Variants in CLCA1 observed in about 807,000 individuals in gnomAD.
The protein encoded by CLCA1 is calcium-activated chloride channel regulator 1.
Under a neutral mutation model 85.6 loss-of-function variants are expected in CLCA1, and 59 were observed. The observed-to-expected ratio is 0.69, with a 90% CI of 0.56 to 0.86. CLCA1 has a LOEUF of 0.86. CLCA1 is among the 40% of genes least tolerant of loss of function. The pLI is 0.00. For missense variants in CLCA1, 1,022 were observed against 1,101.4 expected (o/e 0.93, Z 1.02); for synonymous variants, 396 against 398.3 (o/e 0.99, Z 0.07).
intron 4 of CLCA1, among the ~76,000 whole-genome samples, chr1:86,480,403 T>C (rs1647786425): frequency 1.3e-5 from 2 of 151,968 alleles, no homozygotes; most frequent in South Asian, 4.2e-4. Context: ...AAGAAGAAAT[T>C]AAAATGCCCA....
chr1:86,482,214 A>T lies in CLCA1; in HGVS notation c.567A>T (p.Ala189=), dbSNP rs777756923. 12 of 1,612,952 alleles carry T rather than the reference A, an allele frequency of 7.4e-6. No homozygotes were observed. Among genetic ancestry groups the T allele is most frequent in the Non-Finnish European group, 1.0e-5 (12 of 1,179,210 alleles). The part of the protein sequence containing the change: ...NGRIQAVRCS[A]GITGTNVVKK... ...CTTCCTATATTTTCAGATGTTCAGCAGGTATTACTGGTACAAATGTAGTAA... is the reference window on the plus strand; with the variant it reads ...CTTCCTATATTTTCAGATGTTCAGCTGGTATTACTGGTACAAATGTAGTAA... Residue 189 remains alanine, a synonymous_variant, in exon 5 of 14, where the codon GCA becomes GCT. Transcript: ENST00000394711.
At chr1:86,483,440 T>C (rs1426769815) in intron 5 of CLCA1, among the ~76,000 whole-genome samples, 1 of 152,140 alleles carries the variant, frequency 6.6e-6, no homozygotes, top group Non-Finnish European at 1.5e-5. Flanking sequence ...GCATCCCAGA[T>C]ATTAGGATTT....
At chr1:86,479,664 T>C in intron 4 of CLCA1, among the ~76,000 whole-genome samples, 1 of 152,142 alleles carries the variant, frequency 6.6e-6, no homozygotes, top group African/African-American at 2.4e-5. Context: ...GGCAGGCAGA[T>C]CACAAGGTCA....
Position 86,473,885 on chromosome 1 carries a change from T to TATTC in CLCA1, c.451+10_451+13dup, listed in dbSNP as rs756457908. 6.3e-7 allele frequency: 1 copy of TATTC among 1,585,764 alleles called. No homozygotes were observed. Among genetic ancestry groups the TATTC allele is most frequent in the Non-Finnish European group, 8.6e-7 (1 of 1,164,238 alleles). On this transcript the variant is annotated intron_variant, in intron 3 of 13. Coordinates refer to ENST00000394711, the MANE Select transcript of CLCA1 (RefSeq NM_001285.4). ...TGAATATGGACCACAAGGTATGAAA[T>TATTC]ATTCTACCATACTTCTCATACAATT...
chr1:86,492,553 G>T (rs1394259275), intron 9 of CLCA1, among the ~76,000 whole-genome samples: 1 of 152,172 alleles, frequency 6.6e-6, no homozygotes, highest in African/African-American at 2.4e-5. Flanking sequence ...GTGAAACTAG[G>T]AAATCTGGCT....
intron 3 of CLCA1, among the ~76,000 whole-genome samples, chr1:86,474,683 G>A (rs2101729101): frequency 6.6e-6 from 1 of 152,210 alleles, no homozygotes; most frequent in African/African-American, 2.4e-5. Flanking sequence ...GTAGCAGACA[G>A]AATACCTTTG....
At chr1:86,475,541 G>C (rs1460038541) in intron 3 of CLCA1, among the ~76,000 whole-genome samples, 1 of 152,192 alleles carries the variant, frequency 6.6e-6, no homozygotes, top group Non-Finnish European at 1.5e-5. Context: ...AGCAATGACT[G>C]TTTATCATTG....
chr1:86,485,447 G>T lies in CLCA1; in HGVS notation c.840G>T (p.Glu280Asp). ...CATGGGAAGTGATCCGTGATTCTGAGGACTTTAAGAAAACCACTCCTATGA... is the reference window on the plus strand; with the variant it reads ...CATGGGAAGTGATCCGTGATTCTGATGACTTTAAGAAAACCACTCCTATGA... The part of the protein sequence containing the change: ...RSTWEVIRDS[E>D]DFKKTTPMTT... Residue 280 changes from glutamate (E) to aspartate (D), a missense_variant, in exon 6 of 14, where the codon GAG (glutamate) becomes GAT (aspartate). Coordinates refer to ENST00000394711, the MANE Select transcript of CLCA1 (RefSeq NM_001285.4). 6.2e-7 allele frequency: 1 copy of T among 1,614,138 alleles called. No homozygotes were observed. The highest frequency in any genetic ancestry group is 8.5e-7 in the Non-Finnish European group (1 of 1,180,016).
chr1:86,470,818 T>C (rs1169931652), intron 1 of CLCA1, among the ~76,000 whole-genome samples: 1 of 152,182 alleles, frequency 6.6e-6, no homozygotes, highest in African/African-American at 2.4e-5. Context: ...TTCCTCCCTC[T>C]ACTCCAACAA....
chr1:86,492,427 C>A (rs1648159953), intron 9 of CLCA1, among the ~76,000 whole-genome samples: 1 of 124,802 alleles, frequency 8.0e-6, no homozygotes, highest in South Asian at 2.5e-4. Flanking sequence ...ATTTAAGAAA[C>A]CTAACAGAGA....
rs1366233696 is a variant in CLCA1 at position 86,494,323 on chromosome 1, G to A, written c.1817G>A (p.Ser606Asn). The change falls in exon 11 of 14, where the codon AGC becomes AAC. Residue 606 changes from serine (S) to asparagine (N), a missense_variant. Ser to Asn is a conservative substitution (Grantham distance 46). Transcript: ENST00000394711. ...AACAAGGACACCAGCAAATTCCCCA[G>A]CCCTCTGGTAGTTTATGCAAATATT... is the stretch of plus-strand genomic sequence containing the variant. Reference protein sequence around the residue: ...KTNKDTSKFPSPLVVYANIRQ... With the variant: ...KTNKDTSKFPNPLVVYANIRQ... 1 of 1,614,122 alleles carries A rather than the reference G, an allele frequency of 6.2e-7. No individual in the cohort carries two copies. Among genetic ancestry groups the A allele is most frequent in the African/African-American group, 1.3e-5 (1 of 75,042 alleles).
At chr1:86,481,795 C>A (rs758086254) in intron 4 of CLCA1, among the ~76,000 whole-genome samples, 2 of 152,094 alleles carry the variant, frequency 1.3e-5, no homozygotes, top group Non-Finnish European at 2.9e-5. Context: ...CAGAACTCTA[C>A]AAAAACCATG....
At chr1:86,479,428 A>G (rs1468331649) in intron 4 of CLCA1, among the ~76,000 whole-genome samples, 1 of 152,212 alleles carries the variant, frequency 6.6e-6, no homozygotes, top group Admixed American at 6.5e-5. Flanking sequence ...ATTCATATAT[A>G]GGGTTTATGA....
At chr1:86,483,039 T>A (rs1004551414) in intron 5 of CLCA1, among the ~76,000 whole-genome samples, 2 of 152,202 alleles carry the variant, frequency 1.3e-5, no homozygotes, top group South Asian at 2.1e-4. Flanking sequence ...TCCAGTCTCA[T>A]ATAAAATTAC....
chr1:86,471,647 T>A lies in CLCA1; in HGVS notation c.163-1770T>A, dbSNP rs140053814. On this transcript the variant is annotated intron_variant, in intron 1 of 13. Transcript: ENST00000394711. ...CTACTTTTCAAGTTTTTGGTGATCT[T>A]GGCTCATTTTTTAATTTTATTTTTT... Among the ~76,000 whole-genome samples the A allele has an allele frequency of 4.6e-5, 7 of 152,304 alleles. No homozygotes were observed. In the East Asian group the frequency reaches 1.3e-3, roughly 29 times the overall value.
chr1:86,494,526 G>A (rs910376173), intron 11 of CLCA1, 78 bp downstream of exon 11: 5 of 1,514,568 alleles, frequency 3.3e-6, no homozygotes, highest in Non-Finnish European at 4.5e-6. Flanking sequence ...GGCATGGTCT[G>A]GTGAGGGCAG....
In CLCA1 at chr1:86,495,588, C is replaced by A; in HGVS notation, c.2026C>A (p.Arg676=). The change falls in exon 12 of 14, where the codon CGG becomes AGG. Residue 676 remains arginine, a synonymous_variant. Coordinates refer to ENST00000394711, the MANE Select transcript of CLCA1 (RefSeq NM_001285.4). The stretch of plus-strand genomic sequence containing the variant: ...GAATGGTAGATACAGTGTAAAAGTG[C>A]GGGCTCTGGGAGGAGTTAACGCAGC... The part of the protein sequence containing the change: ...DTNGRYSVKV[R]ALGGVNAARR... The A allele has an allele frequency of 6.2e-7, 1 of 1,613,982 alleles. No homozygotes were observed. The highest frequency in any genetic ancestry group is 8.5e-7 in the Non-Finnish European group (1 of 1,179,910).
intron 12 of CLCA1, 37 bp from the exon 13 acceptor site, chr1:86,498,535 T>C (rs1354992265): frequency 1.9e-6 from 3 of 1,599,358 alleles, no homozygotes; most frequent in Non-Finnish European, 2.6e-6. Flanking sequence ...CATTTAGTGA[T>C]GTTGCTTACC....
chr1:86,496,740 CA>C lies in CLCA1; in HGVS notation c.2113+1066del, dbSNP rs140811749. Among the ~76,000 whole-genome samples, 1,296 of 152,090 alleles carry C rather than the reference CA, an allele frequency of 8.5e-3. 9 individuals are homozygous for C. The highest frequency in any genetic ancestry group is 0.013 in the Non-Finnish European group (903 of 67,946). On this transcript the variant is annotated intron_variant, in intron 12 of 13. Coordinates refer to ENST00000394711, the MANE Select transcript of CLCA1 (RefSeq NM_001285.4). ...GGAAATGTTTTAAAAGATACCACTG[CA>C]TTTTTTTTTTAGACAGTCTTGCTCT...
Sources: allele counts gnomAD v4.1 joint callset (sites outside exome capture counted in the v4.1 genomes callset), GRCh38; gene constraint gnomAD v4.1.1; transcripts MANE v1.5; gene names NCBI Gene and HGNC (gene_info 2026-07-23, HGNC 2026-07-21).